ABR: variants seen among roughly 807,000 people sequenced by gnomAD.
ABR encodes active breakpoint cluster region-related protein.
ABR carries 35 observed loss-of-function variants against 107.2 expected under a neutral mutation model. The observed-to-expected ratio is 0.33, with a 90% CI of 0.25 to 0.43. The LOEUF (loss-of-function observed/expected upper bound fraction) is 0.43. Ranked by LOEUF, ABR falls within the 20% of genes least tolerant of loss-of-function variation. The pLI is 1.00. For missense variants in ABR, 815 were observed against 1,115.2 expected (o/e 0.73, Z 3.83); for synonymous variants, 498 against 462.0 (o/e 1.08, Z -1.00).
intron 1 of ABR, among the ~76,000 whole-genome samples, chr17:1,177,686 A>G (rs939944300): frequency 1.3e-5 from 2 of 152,180 alleles, no homozygotes. Context: ...GCTTCGGGAA[A>G]TAGGGAAACA....
At chr17:1,202,373 C>G (rs1023834954) in intron 1 of ABR, among the ~76,000 whole-genome samples, 4 of 152,168 alleles carry the variant, frequency 2.6e-5, no homozygotes, top group Admixed American at 6.5e-5. Context: ...AGCCCCAGAG[C>G]GCACATTCAA....
At position 1,051,567 on chromosome 17, in the gene ABR, C is replaced by A. The variant is rs1567656605; in HGVS notation, c.1562-933G>T. Among the ~76,000 whole-genome samples, 2 of 152,216 alleles carry A rather than the reference C, an allele frequency of 1.3e-5. No individual in the cohort carries two copies. Among genetic ancestry groups the A allele is most frequent in the Admixed American group, 1.3e-4 (2 of 15,286 alleles). On this transcript the variant is annotated intron_variant, in intron 14 of 22. Coordinates refer to ENST00000302538, the MANE Select transcript of ABR (RefSeq NM_021962.5). This position sits in a 1 kb window ranked among gnomAD's most constrained non-coding sequence, Gnocchi z 4.3. ...AGGCCCTCTGCAAACCCACACCCGCCCTGGGCTCGGACCCCAGCAGTCCTC... is the reference window on the plus strand; with the variant it reads ...AGGCCCTCTGCAAACCCACACCCGCACTGGGCTCGGACCCCAGCAGTCCTC...
chr17:1,141,760 A>AATT lies in ABR; in HGVS notation c.62-16396_62-16394dup, dbSNP rs1400132398. ...AGGCTGGTGGACTAGTTACGACTTA[A>AATT]ATTCTTTTTTTTTTTGGAGACAGAG... On this transcript the variant is annotated intron_variant, in intron 1 of 22. Coordinates refer to ENST00000302538, the MANE Select transcript of ABR (RefSeq NM_021962.5). Among the ~76,000 whole-genome samples the AATT allele has an allele frequency of 4.4e-3, 652 of 148,164 alleles. 32 individuals carry two copies. In the East Asian group the frequency reaches 0.1, roughly 24 times the overall value.
intron 6 of ABR, among the ~76,000 whole-genome samples, chr17:1,076,173 G>T (rs1262550244): frequency 6.6e-6 from 1 of 152,192 alleles, no homozygotes. Context: ...CAAAAGTTGG[G>T]ATTACAGGCA....
At chr17:1,028,069 C>G (rs2072360718) in intron 16 of ABR, among the ~76,000 whole-genome samples, 1 of 151,928 alleles carries the variant, frequency 6.6e-6, no homozygotes, top group Non-Finnish European at 1.5e-5. Context: ...CGGTGGCGAT[C>G]AAGCTGACAA....
In ABR at chr17:1,124,767, C is replaced by A. The variant is rs547378239; in HGVS notation, c.246+416G>T. Among the ~76,000 whole-genome samples the A allele has an allele frequency of 4.6e-5, 7 of 152,354 alleles. 1 individual carries two copies. The highest frequency in any genetic ancestry group is 1.4e-4 in the African/African-American group (6 of 41,578). On this transcript the variant is annotated intron_variant, in intron 2 of 22. Coordinates refer to ENST00000302538, the MANE Select transcript of ABR (RefSeq NM_021962.5). ...ACCCACAGGGAGCACCAGGCCCAGG[C>A]TGGCTTTGCGGGAGCAGCATCTGAA...
At position 1,078,758 on chromosome 17, in the gene ABR, G is replaced by C; in HGVS notation, c.700+572C>G. On this transcript the variant is annotated intron_variant, in intron 6 of 22. Coordinates refer to ENST00000302538, the MANE Select transcript of ABR (RefSeq NM_021962.5). This position sits in a 1 kb window ranked among gnomAD's most constrained non-coding sequence, Gnocchi z 7.5. ...CCCGGCCACATCTAAGCCCACTCCA[G>C]CCGGCCCCCAGAGGTGGGAGGGTCC... is the stretch of plus-strand genomic sequence containing the variant. 3.9e-6 allele frequency: 6 copies of C among 1,519,208 alleles called. No homozygotes were observed. The highest frequency in any genetic ancestry group is 5.3e-6 in the Non-Finnish European group (6 of 1,132,888). The allele number at this position is 1,519,208 out of a possible 1,614,324, so 94.1% of individuals were successfully genotyped here. A position where few individuals can be genotyped will look rare whatever the true frequency, so the allele number is the denominator to read the frequency against.
intron 4 of ABR, among the ~76,000 whole-genome samples, chr17:1,087,651 T>G (rs1444264787): frequency 6.6e-6 from 1 of 151,810 alleles, no homozygotes; most frequent in Non-Finnish European, 1.5e-5. Flanking sequence ...GCCCGGCCCA[T>G]CAATGCCCAC....
chr17:1,064,808 A>G (rs2034517072), intron 10 of ABR, among the ~76,000 whole-genome samples: 1 of 132,286 alleles, frequency 7.6e-6, no homozygotes, highest in African/African-American at 2.8e-5. Context: ...TGTTATGTGA[A>G]CTGAGGGCTA....
chr17:1,082,001 TGTCAGCTTCTCTGCTGCCTCTCGG>T (rs1319485557), intron 5 of ABR, among the ~76,000 whole-genome samples: 1 of 152,006 alleles, frequency 6.6e-6, no homozygotes, highest in Non-Finnish European at 1.5e-5. Flanking sequence ...CATCTCCAAC[TGTCAGCTTCTCTGCTGCCTCTCGG>T]TGGATTCTAA....
chr17:1,073,877 C>A (rs531749933), intron 6 of ABR, among the ~76,000 whole-genome samples, 200 bp from the exon 7 acceptor site: 15 of 152,146 alleles, frequency 9.9e-5, no homozygotes, highest in Non-Finnish European at 1.5e-5. Context: ...TGACACACAG[C>A]CCTGGCAGCC....
chr17:1,021,621 T>C (rs1019676124), intron 16 of ABR, among the ~76,000 whole-genome samples: 21 of 150,580 alleles, frequency 1.4e-4, no homozygotes, highest in Admixed American at 5.3e-4. Flanking sequence ...CTGACCAACG[T>C]GGCGAAACCC....
In ABR at chr17:1,010,913, C is replaced by G; in HGVS notation, c.2102-50G>C. 1 of 1,606,624 alleles carries G rather than the reference C, an allele frequency of 6.2e-7. No homozygotes were observed. Among genetic ancestry groups the G allele is most frequent in the Non-Finnish European group, 8.5e-7 (1 of 1,178,380 alleles). ...GCAGCCTTAGCTGGGCCAGCAGCCC[C>G]GTTCCACCCCCGACCCATCCTGACA... On this transcript the variant is annotated intron_variant, in intron 19 of 22. Coordinates refer to ENST00000302538, the MANE Select transcript of ABR (RefSeq NM_021962.5). This position sits in a 1 kb window ranked among gnomAD's most constrained non-coding sequence, Gnocchi z 4.1.
chr17:1,010,804 G>C lies in ABR; in HGVS notation c.2161C>G (p.Leu721Val), dbSNP rs1567561146. The C allele has an allele frequency of 6.2e-7, 1 of 1,613,902 alleles. No individual in the cohort carries two copies. The highest frequency in any genetic ancestry group is 8.5e-7 in the Non-Finnish European group (1 of 1,180,010). The stretch of plus-strand genomic sequence containing the variant: ...GGCAGTTCCCGGAAGTACAGCTTGA[G>C]CGTCCCGGCGATGGCGTTGATGTCC... The part of the protein sequence containing the change: ...DMDINAIAGT[L>V]KLYFRELPEP... The change falls in exon 20 of 23, where the codon CTC becomes GTC. Residue 721 changes from leucine to valine, a missense_variant. By Grantham distance (32) the Leu-to-Val change is conservative. Transcript: ENST00000302538. This position sits in a 1 kb window ranked among gnomAD's most constrained non-coding sequence, Gnocchi z 4.1.
At chr17:1,073,772 C>G in intron 6 of ABR, 95 bp from the exon 7 acceptor site, 1 of 1,106,622 alleles carries the variant, frequency 9.0e-7, no homozygotes, top group African/African-American at 1.6e-5. Flanking sequence ...CCGCATGCTT[C>G]CCACGTGAAC....
intron 1 of ABR, among the ~76,000 whole-genome samples, chr17:1,145,886 G>A (rs540395571): frequency 1.1e-4 from 17 of 152,308 alleles, no homozygotes; most frequent in African/African-American, 2.9e-4. Context: ...AGAAGCAGCC[G>A]CACCTCTGCC....
At chr17:1,140,898 T>C (rs191656138) in intron 1 of ABR, among the ~76,000 whole-genome samples, 2 of 151,684 alleles carry the variant, frequency 1.3e-5, no homozygotes, top group Admixed American at 6.6e-5. Context: ...TCTATTGCAC[T>C]GGGAGGCAGA....
At position 1,148,615 on chromosome 17, in the gene ABR, A is replaced by G. The variant is rs959288389; in HGVS notation, c.62-23248T>C. 1.3e-5 allele frequency among the ~76,000 whole-genome samples: 2 copies of G among 152,214 alleles called. No individual in the cohort carries two copies. The highest frequency in any genetic ancestry group is 2.4e-5 in the African/African-American group (1 of 41,454). On this transcript the variant is annotated intron_variant, in intron 1 of 22. Transcript: ENST00000302538. This position sits in a 1 kb window ranked among gnomAD's most constrained non-coding sequence, Gnocchi z 4.9. ...AGCAGCAGCGGCATTAGGTTCTCGT[A>G]GGAGCGTGAGCCCTGTCGTGATCTG...
chr17:1,009,268 C>T (rs868303683), intron 21 of ABR, among the ~76,000 whole-genome samples: 14 of 125,972 alleles, frequency 1.1e-4, no homozygotes, highest in African/African-American at 4.1e-4. Context: ...CTGCTGTCCA[C>T]CCCCCACTGC....
Sources: gnomAD v4.1 joint callset for allele counts (sites outside exome capture counted in the v4.1 genomes callset) on GRCh38, gnomAD v4.1.1 for gene constraint, Gnocchi (gnomAD v3.1) non-coding constraint, MANE v1.5 for transcripts, NCBI Gene and HGNC (gene_info 2026-07-23, HGNC 2026-07-21) for gene names.